The following GTPBP10 variants were observed in gnomAD, a reference collection of about 807,000 sequenced individuals.
GTPBP10 encodes the protein GTP binding protein 10.
Under a neutral mutation model 44.8 loss-of-function variants are expected in GTPBP10, and 38 were observed. The ratio of observed to expected loss-of-function variants is 0.85; its 90% CI spans 0.65 to 1.11. GTPBP10 has a LOEUF of 1.11. Ranked by LOEUF, GTPBP10 falls within the 50% of genes most tolerant of loss-of-function variation. The probability of loss-of-function intolerance (pLI) is 0.00; values close to 1 mark genes in which losing one functional copy is unlikely to be tolerated. For synonymous variants in GTPBP10, 152 were observed against 150.6 expected, an observed-to-expected ratio of 1.01 and a Z score of -0.07; for missense variants, 462 against 453.7, an observed-to-expected ratio of 1.02 and a Z score of -0.17.
chr7:90,361,739 G>A (rs894592095), intron 4 of GTPBP10, among the ~76,000 whole-genome samples: 2 of 152,164 alleles, frequency 1.3e-5, no homozygotes, highest in Non-Finnish European at 2.9e-5. Flanking sequence ...GGTAGAATTT[G>A]GCTGTGAATC....
intron 1 of GTPBP10, among the ~76,000 whole-genome samples, chr7:90,347,129 C>T (rs979238462): frequency 6.6e-6 from 1 of 151,782 alleles, no homozygotes; most frequent in Non-Finnish European, 1.5e-5. Flanking sequence ...TCCTTGAGTG[C>T]GCTGTTTAAG....
Position 90,390,204 on chromosome 7 carries a change from G to A in GTPBP10, c.*5050G>A, listed in dbSNP as rs1473622671. On this transcript the variant is annotated 3_prime_UTR_variant, in exon 10 of 10. Transcript: ENST00000222511. ...GCTGAAGAAAAAGCAAAATGAAATA[G>A]GTAGTAGAAATGAGAAAGGGAGAGA... 1 of 152,210 alleles carries A rather than the reference G, an allele frequency of 6.6e-6. No individual in the cohort carries two copies. The highest frequency in any genetic ancestry group is 1.5e-5 in the Non-Finnish European group (1 of 68,066). The allele number at this position is 152,210 out of a possible 1,614,324, so 9.4% of individuals were successfully genotyped here. A position where few individuals can be genotyped will look rare whatever the true frequency, so the allele number is the denominator to read the frequency against.
At chr7:90,381,499 C>T (rs181484024) in intron 8 of GTPBP10, among the ~76,000 whole-genome samples, 210 of 152,248 alleles carry the variant, frequency 1.4e-3, no homozygotes, top group African/African-American at 4.9e-3. Context: ...AAGTGATCTA[C>T]GGATTCAGCA....
chr7:90,355,810 C>T (rs190439023), intron 4 of GTPBP10, among the ~76,000 whole-genome samples: 3 of 152,320 alleles, frequency 2.0e-5, no homozygotes, highest in African/African-American at 7.2e-5. Flanking sequence ...AGAGTGTCCT[C>T]TTCCACCAGC....
intron 2 of GTPBP10, 35 bp from the exon 3 acceptor site, chr7:90,354,423 C>CACAT: frequency 9.2e-7 from 1 of 1,081,904 alleles, no homozygotes; most frequent in East Asian, 2.6e-5. Context: ...TATACACACA[C>CACAT]ACATACATAC....
intron 4 of GTPBP10, among the ~76,000 whole-genome samples, chr7:90,361,224 G>T (rs1317209615): frequency 3.9e-5 from 6 of 152,146 alleles, no homozygotes; most frequent in Non-Finnish European, 4.4e-5. Context: ...TTTTCAAAGG[G>T]AGTGCTTCCA....
chr7:90,381,711 A>G (rs1796438727), intron 8 of GTPBP10, among the ~76,000 whole-genome samples: 1 of 152,224 alleles, frequency 6.6e-6, no homozygotes, highest in African/African-American at 2.4e-5. Context: ...CTGGCATAAC[A>G]GTAGACACAT....
chr7:90,368,662 C>G (rs1198303417), intron 4 of GTPBP10, among the ~76,000 whole-genome samples: 2 of 152,182 alleles, frequency 1.3e-5, no homozygotes, highest in Non-Finnish European at 2.9e-5. Context: ...AAGGACTTCT[C>G]TACACTGTTT....
intron 4 of GTPBP10, among the ~76,000 whole-genome samples, chr7:90,359,953 G>C (rs1795980702): frequency 6.6e-6 from 1 of 152,158 alleles, no homozygotes. Flanking sequence ...AGAAGTGTCT[G>C]TTCATATCCT....
chr7:90,363,250 C>T (rs977869575), intron 4 of GTPBP10, among the ~76,000 whole-genome samples: 1 of 152,142 alleles, frequency 6.6e-6, no homozygotes, highest in African/African-American at 2.4e-5. Flanking sequence ...TACAATTTGG[C>T]ATGTTTTTAC....
rs769659138 is a variant in GTPBP10 at position 90,384,954 on chromosome 7, A to G, written c.964A>G (p.Ile322Val). Reference protein sequence around the residue: ...PERTVEFQHIIPISAVTGEGI... With the variant: ...PERTVEFQHIVPISAVTGEGI... ...GAGGACTGTAGAGTTCCAACATATC[A>G]TCCCCATATCTGCAGTTACTGGAGA... Residue 322 changes from isoleucine (I) to valine (V), a missense_variant, in exon 10 of 10, where the codon ATC (isoleucine) becomes GTC (valine). By Grantham distance (29) the Ile-to-Val change is conservative (BLOSUM62 3). Coordinates refer to ENST00000222511, the MANE Select transcript of GTPBP10 (RefSeq NM_033107.4). 1.6e-5 allele frequency: 26 copies of G among 1,612,404 alleles called. No individual in the cohort carries two copies. The South Asian group carries it at 2.6e-4, about 16-fold the overall frequency.
chr7:90,350,853 A>G (rs1175574175), intron 1 of GTPBP10, among the ~76,000 whole-genome samples: 1 of 152,192 alleles, frequency 6.6e-6, no homozygotes, highest in Non-Finnish European at 1.5e-5. Context: ...CAAGCAATTC[A>G]TCTTTTTATC....
intron 4 of GTPBP10, among the ~76,000 whole-genome samples, chr7:90,368,945 C>A (rs180750350): frequency 6.6e-6 from 1 of 152,320 alleles, no homozygotes; most frequent in East Asian, 1.9e-4. Flanking sequence ...TACCTTTGGT[C>A]TTTGATGTTG....
intron 9 of GTPBP10, chr7:90,383,926 C>T (rs1485237326): frequency 6.6e-6 from 1 of 152,196 alleles, no homozygotes; most frequent in African/African-American, 2.4e-5. Context: ...CCTGTGTAAT[C>T]TACATGTTGG....
At chr7:90,357,921 AAAGAG>A (rs369188741) in intron 4 of GTPBP10, among the ~76,000 whole-genome samples, 2 of 152,098 alleles carry the variant, frequency 1.3e-5, no homozygotes, top group African/African-American at 4.8e-5. Context: ...AGATGTGTGC[AAAGAG>A]AAGTCTTAGC....
intron 6 of GTPBP10, among the ~76,000 whole-genome samples, chr7:90,375,761 T>C (rs1452762516): frequency 6.6e-6 from 1 of 152,086 alleles, no homozygotes; most frequent in Non-Finnish European, 1.5e-5. Flanking sequence ...GGATGTCGAG[T>C]ACTGCCTCTC....
chr7:90,350,424 G>A (rs1795767518), intron 1 of GTPBP10, among the ~76,000 whole-genome samples: 1 of 151,940 alleles, frequency 6.6e-6, no homozygotes, highest in Non-Finnish European at 1.5e-5. Flanking sequence ...ATCCAGTAAT[G>A]GGATGGCTGG....
intron 4 of GTPBP10, among the ~76,000 whole-genome samples, chr7:90,366,299 G>A (rs1326378247): frequency 1.3e-5 from 2 of 152,176 alleles, no homozygotes; most frequent in Non-Finnish European, 2.9e-5. Flanking sequence ...CATGGAATGA[G>A]TTAGAGAGGA....
rs1796523012 is a variant in GTPBP10, at chr7:90,386,263, A to G, written c.*1109A>G. The G allele has an allele frequency of 6.6e-6, 1 of 152,182 alleles. No homozygotes were observed. Among genetic ancestry groups the G allele is most frequent in the Admixed American group, 6.5e-5 (1 of 15,280 alleles). The allele number at this position is 152,182 out of a possible 1,614,324, so 9.4% of individuals were successfully genotyped here. On this transcript the variant is annotated 3_prime_UTR_variant, in exon 10 of 10. Transcript: ENST00000222511. ...AGCCTGTCTTGTACCTGGTTGCACT[A>G]AATATATAATAGTTATCTTTTGTGG...
Sources: allele counts gnomAD v4.1 joint callset (sites outside exome capture counted in the v4.1 genomes callset), GRCh38; gene constraint gnomAD v4.1.1; transcripts MANE v1.5; gene names NCBI Gene and HGNC (gene_info 2026-07-23, HGNC 2026-07-21).